SPATA22: variants seen among roughly 807,000 people sequenced by gnomAD.
SPATA22 encodes spermatogenesis associated 22, also known as spermatogenesis-associated protein 22.
In SPATA22, 29 loss-of-function variants were observed where a neutral mutation model predicts 47.8. The observed-to-expected ratio is 0.61, with a 90% CI of 0.45 to 0.83. SPATA22 has a LOEUF of 0.83. Ranked by LOEUF, SPATA22 falls within the 40% of genes least tolerant of loss-of-function variation. SPATA22 has a pLI of 0.00. For missense variants in SPATA22, 410 were observed against 421.7 expected (o/e 0.97, Z 0.24); for synonymous variants, 133 against 140.9 (o/e 0.94, Z 0.40).
At chr17:3,492,637 T>G (rs547418544) in intron 1 of SPATA22, among the ~76,000 whole-genome samples, 1 of 152,316 alleles carries the variant, frequency 6.6e-6, no homozygotes, top group East Asian at 1.9e-4. Context: ...CTTCCTGCTC[T>G]TGGAAACCCT....
At chr17:3,473,091 C>CA (rs2073469514), upstream of SPATA22, among the ~76,000 whole-genome samples, 1 of 147,172 alleles carries the variant, frequency 6.8e-6, no homozygotes, top group Non-Finnish European at 1.5e-5. Flanking sequence ...CCACCCACCC[C>CA]AAAAATAGAT....
At chr17:3,457,127 G>C (rs1419580958) in intron 5 of SPATA22, among the ~76,000 whole-genome samples, 1 of 152,148 alleles carries the variant, frequency 6.6e-6, no homozygotes, top group Non-Finnish European at 1.5e-5. Flanking sequence ...CATTCCCTTT[G>C]AAAATGGGCA....
chr17:3,470,821 T>C (rs754554265), intron 1 of SPATA22, among the ~76,000 whole-genome samples: 1 of 151,412 alleles, frequency 6.6e-6, no homozygotes, highest in Non-Finnish European at 1.5e-5. Flanking sequence ...TTTCCACATC[T>C]TAGGCTTGAA....
chr17:3,463,496 A>G (rs985443581), intron 3 of SPATA22, among the ~76,000 whole-genome samples: 2 of 152,226 alleles, frequency 1.3e-5, no homozygotes, highest in African/African-American at 4.8e-5. Flanking sequence ...TATAAAAGAT[A>G]AAAACCAATA....
At chr17:3,493,389 C>A (rs914743883) in intron 1 of SPATA22, among the ~76,000 whole-genome samples, 6 of 151,826 alleles carry the variant, frequency 4.0e-5, no homozygotes, top group African/African-American at 1.2e-4. Flanking sequence ...GGTGAGACCC[C>A]ATCTCTACTA....
intron 1 of SPATA22, among the ~76,000 whole-genome samples, chr17:3,497,012 G>A (rs2073920640): frequency 6.6e-6 from 1 of 152,222 alleles, no homozygotes; most frequent in Non-Finnish European, 1.5e-5. Context: ...GTTGCAGTGA[G>A]CTGAGATTGT....
At chr17:3,482,811 T>A (rs1453838087) in intron 1 of SPATA22, among the ~76,000 whole-genome samples, 2 of 135,596 alleles carry the variant, frequency 1.5e-5, no homozygotes, top group Admixed American at 7.1e-5. Context: ...CTATTATACT[T>A]TAAGTTTTAG....
rs1211937012 is a variant in SPATA22, at chr17:3,446,412, G to A, written c.802+60C>T. 2.7e-6 allele frequency: 4 copies of A among 1,500,550 alleles called. No individual in the cohort carries two copies. The African/African-American group carries it at 5.7e-5, about 22-fold the overall frequency. 93.0% of individuals were successfully genotyped at this position (1,500,550 alleles called of 1,614,324 possible). ...TATTTGGAAGAAAAAGGACTAATCA[G>A]ACATTAAAACCTGTCCTCCAGAGAG... On this transcript the variant is annotated intron_variant, in intron 7 of 8. Transcript: ENST00000572969.
intron 5 of SPATA22, among the ~76,000 whole-genome samples, chr17:3,452,816 C>A (rs2072894856): frequency 6.6e-6 from 1 of 151,996 alleles, no homozygotes; most frequent in East Asian, 1.9e-4. Context: ...AAACAAGCAA[C>A]TTACCAAGAT....
intron 3 of SPATA22, among the ~76,000 whole-genome samples, chr17:3,463,659 A>AT (rs1223661542): frequency 7.8e-6 from 1 of 127,738 alleles, no homozygotes; most frequent in Non-Finnish European, 2.0e-5. Flanking sequence ...GGCTACATTT[A>AT]TAAAAAAAAA....
At chr17:3,497,891 C>G (rs1226207529) in intron 1 of SPATA22, among the ~76,000 whole-genome samples, 1 of 152,184 alleles carries the variant, frequency 6.6e-6, no homozygotes, top group African/African-American at 2.4e-5. Context: ...ACAAAATCCC[C>G]AGATGATTTA....
At chr17:3,473,657 C>T (rs2073481067), upstream of SPATA22, among the ~76,000 whole-genome samples, 1 of 152,094 alleles carries the variant, frequency 6.6e-6, no homozygotes, top group African/African-American at 2.4e-5. Context: ...CGCCACCACG[C>T]CCAGGTAATT....
intron 3 of SPATA22, among the ~76,000 whole-genome samples, chr17:3,466,981 G>A (rs961629922): frequency 1.3e-5 from 2 of 152,042 alleles, no homozygotes; most frequent in Admixed American, 6.6e-5. Flanking sequence ...AAAAGACTAC[G>A]GCCAGGCACC....
intron 1 of SPATA22, among the ~76,000 whole-genome samples, chr17:3,471,021 G>T (rs2073420303): frequency 6.6e-6 from 1 of 151,966 alleles, no homozygotes; most frequent in Non-Finnish European, 1.5e-5. Context: ...CGGGCATGGT[G>T]GTGCGTGCCT....
intron 5 of SPATA22, among the ~76,000 whole-genome samples, chr17:3,450,127 A>C (rs552004854): frequency 1.3e-5 from 2 of 152,344 alleles, no homozygotes; most frequent in African/African-American, 4.8e-5. Context: ...TGCTGGGGCT[A>C]GAGGCATAAG....
upstream of SPATA22, among the ~76,000 whole-genome samples, chr17:3,472,969 T>A (rs2073466659): frequency 6.6e-6 from 1 of 152,144 alleles, no homozygotes; most frequent in Non-Finnish European, 1.5e-5. Context: ...ATAAAACTTG[T>A]TATTTATCAT....
At chr17:3,469,503 C>G in intron 1 of SPATA22, 105 bp from the exon 2 acceptor site, 1 of 549,794 alleles carries the variant, frequency 1.8e-6, no homozygotes, top group East Asian at 2.9e-5. Flanking sequence ...CAAACCTGAT[C>G]ACGTAAACAC....
intron 1 of SPATA22, among the ~76,000 whole-genome samples, chr17:3,482,318 A>G (rs1375958810): frequency 5.9e-5 from 9 of 152,222 alleles, no homozygotes; most frequent in Admixed American, 5.9e-4. Context: ...CATTTGATTT[A>G]GACACCCCAG....
In SPATA22 at chr17:3,485,682, T is replaced by G. The variant is rs1378617318; in HGVS notation, c.-73-16284A>C. ...TCCAGGTTGTTTTCTGACCCTCTCC[T>G]TATCAAGACCTGTCAAAGATCTGAG... On this transcript the variant is annotated intron_variant, in intron 1 of 8. Coordinates refer to the SPATA22 transcript ENST00000541913. The surrounding 1 kb of genome is among the most constrained non-coding windows in gnomAD (Gnocchi z 4.4). Among the ~76,000 whole-genome samples, 3 of 152,216 alleles carry G rather than the reference T, an allele frequency of 2.0e-5. No homozygotes were observed. The highest frequency in any genetic ancestry group is 7.2e-5 in the African/African-American group (3 of 41,454).
Sources: gnomAD v4.1 joint callset for allele counts (sites outside exome capture counted in the v4.1 genomes callset) on GRCh38, gnomAD v4.1.1 for gene constraint, Gnocchi (gnomAD v3.1) non-coding constraint, MANE v1.5 for transcripts, NCBI Gene and HGNC (gene_info 2026-07-23, HGNC 2026-07-21) for gene names.